The following PKHD1 variants were observed in gnomAD, a reference collection of about 807,000 sequenced individuals.
PKHD1 encodes fibrocystin.
Under a neutral mutation model 412.0 loss-of-function variants are expected in PKHD1, and 291 were observed. The ratio of observed to expected loss-of-function variants is 0.71; its 90% CI spans 0.64 to 0.78. The LOEUF is 0.78. Among genes scored for constraint, PKHD1 ranks in the 30% least tolerant of loss-of-function variants. The pLI is 0.00. For synonymous variants in PKHD1, 1,777 were observed against 1,821.5 expected, an observed-to-expected ratio of 0.98 and a Z score of 0.62; for missense variants, 4,825 against 4,950.7, an observed-to-expected ratio of 0.97 and a Z score of 0.76.
Position 52,025,293 on chromosome 6 carries a change from C to T in PKHD1, c.4517G>A (p.Gly1506Asp), listed in dbSNP as rs747684641. 1.9e-6 allele frequency: 3 copies of T among 1,614,016 alleles called. No individual in the cohort carries two copies. The highest frequency in any genetic ancestry group is 2.5e-6 in the Non-Finnish European group (3 of 1,180,022). The change falls in exon 32 of 67, where the codon GGT becomes GAT. Residue 1506 changes from glycine (G) to aspartate (D), a missense_variant. Transcript: ENST00000371117. ...SGSLTTVLIR[G>D]QRLATTADEP... ...ATCAGCTGTGGTGGCTAACCTCTGA[C>T]CCCTAATCAGCACAGTGGTCAGAGA...
chr6:52,084,860 C>A, intron 2 of PKHD1, 22 bp downstream of exon 2: 1 of 1,492,408 alleles, frequency 6.7e-7, no homozygotes, highest in Non-Finnish European at 9.4e-7. Flanking sequence ...CCTATAATTC[C>A]TTCAAAACAC....
chr6:51,883,221 T>C lies in PKHD1; in HGVS notation c.7222A>G (p.Arg2408Gly), dbSNP rs768309032. 3.1e-6 allele frequency: 5 copies of C among 1,613,150 alleles called. No homozygotes were observed. The African/African-American group carries it at 6.7e-5, about 22-fold the overall frequency. ...WESAGGAQIF[R>G]SSNLRLKNFK... ...TTTTTCAGGCGAAGATTGCTACTTC[T>C]AAAAATCTATAAAATACAGCATGTT... The change falls in exon 46 of 67, where the codon AGA (arginine) becomes GGA (glycine). Residue 2408 changes from arginine to glycine, a missense_variant. Arg to Gly is a moderately radical substitution (Grantham distance 125). Transcript: ENST00000371117.
intron 35 of PKHD1, among the ~76,000 whole-genome samples, chr6:52,004,465 A>G (rs1187752680): frequency 6.6e-6 from 1 of 152,116 alleles, no homozygotes. Flanking sequence ...ACGTTTCAAC[A>G]TCTCTATCAT....
chr6:51,732,833 T>C (rs1485753767), intron 60 of PKHD1, among the ~76,000 whole-genome samples: 1 of 152,230 alleles, frequency 6.6e-6, no homozygotes, highest in African/African-American at 2.4e-5. Context: ...GATATTTGTA[T>C]ACCATATTCA....
chr6:51,807,485 ATGTGTGTGTGTG>A (rs567506746), intron 52 of PKHD1, among the ~76,000 whole-genome samples: 4 of 111,794 alleles, frequency 3.6e-5, no homozygotes, highest in Admixed American at 9.4e-5. Context: ...ATATATGTAT[ATGTGTGTGTGTG>A]TGTGTGTGTG....
intron 60 of PKHD1, among the ~76,000 whole-genome samples, chr6:51,687,132 A>G (rs1562101803): frequency 2.0e-5 from 3 of 152,216 alleles, no homozygotes; most frequent in African/African-American, 7.2e-5. Flanking sequence ...TACTATTTCT[A>G]GTACCCTTCC....
chr6:52,013,366 A>G (rs910498102), intron 34 of PKHD1, among the ~76,000 whole-genome samples: 1 of 152,230 alleles, frequency 6.6e-6, no homozygotes, highest in Non-Finnish European at 1.5e-5. Context: ...TACCAGCTTC[A>G]GCTCACACTT....
At position 52,064,951 on chromosome 6, in the gene PKHD1, T is replaced by C. The variant is rs760240316; in HGVS notation, c.976+4A>G. 6.4e-7 allele frequency: 1 copy of C among 1,571,904 alleles called. No individual in the cohort carries two copies. Among genetic ancestry groups the C allele is most frequent in the Non-Finnish European group, 8.7e-7 (1 of 1,148,158 alleles). ...TTATTGAACAGCCCTGGTGGCTTCCTTACCTGGCTGAGGGGTGGTGAGCCT... is the reference window on the plus strand; with the variant it reads ...TTATTGAACAGCCCTGGTGGCTTCCCTACCTGGCTGAGGGGTGGTGAGCCT... On this transcript the variant is annotated splice_donor_region_variant and intron_variant, in intron 13 of 66. Coordinates refer to ENST00000371117, the MANE Select transcript of PKHD1 (RefSeq NM_138694.4).
chr6:51,955,660 G>A (rs1431394117), intron 36 of PKHD1, among the ~76,000 whole-genome samples: 1 of 151,960 alleles, frequency 6.6e-6, no homozygotes, highest in African/African-American at 2.4e-5. Context: ...TCCAAATGTA[G>A]TTCTTAGGTG....
chr6:51,692,261 T>TCTCACACA (rs1554196060), intron 60 of PKHD1, among the ~76,000 whole-genome samples: 1 of 147,430 alleles, frequency 6.8e-6, no homozygotes, highest in Non-Finnish European at 1.5e-5. Flanking sequence ...ATCACATAAT[T>TCTCACACA]CACACACACA....
chr6:52,018,663 A>G (rs1211549181), intron 33 of PKHD1, among the ~76,000 whole-genome samples: 10 of 151,988 alleles, frequency 6.6e-5, no homozygotes, highest in Non-Finnish European at 1.3e-4. Context: ...ACAGGTGCAC[A>G]CCACCACACC....
intron 50 of PKHD1, among the ~76,000 whole-genome samples, chr6:51,847,510 A>G (rs898837123): frequency 1.3e-5 from 2 of 152,044 alleles, no homozygotes; most frequent in Non-Finnish European, 2.9e-5. Context: ...TTAATTTCCT[A>G]TCCTTTGAGG....
At chr6:52,036,759 G>T (rs1804017204) in intron 27 of PKHD1, among the ~76,000 whole-genome samples, 1 of 152,012 alleles carries the variant, frequency 6.6e-6, no homozygotes, top group Admixed American at 6.5e-5. Context: ...TAAAAAAATT[G>T]AAAAAATATT....
chr6:51,835,790 T>C (rs1482598946), intron 51 of PKHD1, among the ~76,000 whole-genome samples: 3 of 152,232 alleles, frequency 2.0e-5, no homozygotes, highest in Non-Finnish European at 4.4e-5. Flanking sequence ...CTGATTAGCA[T>C]GGGCTCTGCT....
chr6:51,950,219 A>AT lies in PKHD1; in HGVS notation c.5908+9650_5908+9651insA, dbSNP rs1183071859. Among the ~76,000 whole-genome samples the AT allele has an allele frequency of 3.5e-3, 431 of 122,926 alleles. 5 individuals are homozygous for AT. Among genetic ancestry groups the AT allele is most frequent in the South Asian group, 0.01 (40 of 3,850 alleles). 80.6% of individuals were successfully genotyped at this position (122,926 alleles called of 152,430 possible). On this transcript the variant is annotated intron_variant, in intron 36 of 66. Coordinates refer to ENST00000371117, the MANE Select transcript of PKHD1 (RefSeq NM_138694.4). ...AAATGGGCAATATAGAGAAAAAAAA[A>AT]AATATATATATATATATATATGAAA...
At position 51,964,861 on chromosome 6, in the gene PKHD1, T is replaced by G. The variant is rs1349494963; in HGVS notation, c.5752-4835A>C. 2.0e-5 allele frequency among the ~76,000 whole-genome samples: 3 copies of G among 152,152 alleles called. No homozygotes were observed. In the East Asian group the frequency reaches 5.8e-4, roughly 29 times the overall value. On this transcript the variant is annotated intron_variant, in intron 35 of 66. Transcript: ENST00000371117. ...TTCACCCTGACATAAATAACACTTATATGTCCTTCTTGATTGGTGGGTTTT... is the reference window on the plus strand; with the variant it reads ...TTCACCCTGACATAAATAACACTTAGATGTCCTTCTTGATTGGTGGGTTTT...
intron 60 of PKHD1, among the ~76,000 whole-genome samples, chr6:51,734,408 C>G (rs1226289040): frequency 2.0e-5 from 3 of 152,170 alleles, no homozygotes; most frequent in African/African-American, 7.2e-5. Flanking sequence ...GCAAACTAAA[C>G]TTAAATTCTT....
At chr6:51,664,369 G>C (rs565208516) in intron 60 of PKHD1, among the ~76,000 whole-genome samples, 2 of 152,308 alleles carry the variant, frequency 1.3e-5, no homozygotes, top group South Asian at 4.1e-4. Context: ...TGCAGGGTTG[G>C]AGCCCGAGAG....
intron 35 of PKHD1, among the ~76,000 whole-genome samples, chr6:51,980,728 A>T (rs1795030409): frequency 6.6e-6 from 1 of 152,236 alleles, no homozygotes; most frequent in Non-Finnish European, 1.5e-5. Flanking sequence ...TCAGACTATG[A>T]TCTTACTTGC....
Sources: allele counts gnomAD v4.1 joint callset (sites outside exome capture counted in the v4.1 genomes callset), GRCh38; gene constraint gnomAD v4.1.1; transcripts MANE v1.5; gene names NCBI Gene and HGNC (gene_info 2026-07-23, HGNC 2026-07-21).